SLC2A14: variants seen among roughly 807,000 people sequenced by gnomAD.
SLC2A14 encodes solute carrier family 2 member 14.
Under a neutral mutation model 43.0 loss-of-function variants are expected in SLC2A14, and 13 were observed. The ratio of observed to expected loss-of-function variants is 0.30; its 90% CI spans 0.20 to 0.48. The LOEUF (loss-of-function observed/expected upper bound fraction) is 0.48, where lower values mean the gene tolerates loss of function less well. SLC2A14 is among the 20% of genes least tolerant of loss of function. The pLI, the probability that SLC2A14 is intolerant of heterozygous loss-of-function variation, is 0.99. For synonymous variants in SLC2A14, 190 were observed against 233.8 expected (o/e 0.81, Z 1.71); for missense variants, 428 against 620.4 (o/e 0.69, Z 3.29).
At chr12:7,859,645 C>T (rs761368731) in intron 2 of SLC2A14, among the ~76,000 whole-genome samples, 3 of 152,110 alleles carry the variant, frequency 2.0e-5, no homozygotes, top group South Asian at 2.1e-4. Flanking sequence ...TGGTGAAAAC[C>T]AAGAGAATGA....
intron 1 of SLC2A14, chr12:7,871,293 A>G: frequency 8.9e-7 from 1 of 1,120,530 alleles, no homozygotes; most frequent in Non-Finnish European, 1.1e-6. Context: ...ACTGGGAGGC[A>G]CCCATTGATA....
At chr12:7,880,624 C>G (rs185705171) in intron 1 of SLC2A14, among the ~76,000 whole-genome samples, 2 of 144,030 alleles carry the variant, frequency 1.4e-5, no homozygotes, top group East Asian at 2.0e-4. Flanking sequence ...GTCAGGAGAT[C>G]GAGACCATCC....
chr12:7,866,944 G>T (rs1013193386), intron 2 of SLC2A14, among the ~76,000 whole-genome samples: 3 of 143,202 alleles, frequency 2.1e-5, no homozygotes, highest in Non-Finnish European at 3.1e-5. Flanking sequence ...GACTTTCATG[G>T]TTTTTTTTTT....
intron 2 of SLC2A14, chr12:7,863,537 G>A: frequency 2.5e-6 from 1 of 394,024 alleles, no homozygotes; most frequent in Non-Finnish European, 5.1e-6. Flanking sequence ...TGAGGCAGGA[G>A]AATGAACCCA....
At chr12:7,873,111 T>C, upstream of SLC2A14, 1 of 985,544 alleles carries the variant, frequency 1.0e-6, no homozygotes, top group Non-Finnish European at 1.2e-6. Context: ...CCCCGGCGGC[T>C]GCTGGGGATC....
intron 1 of SLC2A14, among the ~76,000 whole-genome samples, chr12:7,883,579 CTTTT>C (rs1385161692): frequency 9.2e-6 from 1 of 108,788 alleles, no homozygotes; most frequent in East Asian, 3.0e-4. Flanking sequence ...TTTTCTTTTT[CTTTT>C]TCTTTTCTTT....
chr12:7,877,926 A>G (rs1726782008), upstream of SLC2A14, among the ~76,000 whole-genome samples: 1 of 148,162 alleles, frequency 6.7e-6, no homozygotes, highest in African/African-American at 2.6e-5. Context: ...TATTTTTAGT[A>G]GAGAAGGGGC....
intron 2 of SLC2A14, among the ~76,000 whole-genome samples, chr12:7,842,337 C>T (rs746826070): frequency 1.3e-5 from 2 of 152,234 alleles, no homozygotes; most frequent in Admixed American, 1.3e-4. Flanking sequence ...TCTAAACATT[C>T]GTTTGCAGGT....
At chr12:7,816,461 A>G (rs1487497414) in intron 10 of SLC2A14, among the ~76,000 whole-genome samples, 1 of 135,164 alleles carries the variant, frequency 7.4e-6, no homozygotes, top group Non-Finnish European at 1.6e-5. Flanking sequence ...CTGGTCTCGA[A>G]CTCCTGACCT....
At chr12:7,879,552 C>A (rs1945530045) in intron 1 of SLC2A14, among the ~76,000 whole-genome samples, 1 of 151,996 alleles carries the variant, frequency 6.6e-6, no homozygotes, top group Non-Finnish European at 1.5e-5. Flanking sequence ...GGCATGCTGA[C>A]AGGTGCCTGT....
chr12:7,871,214 A>C, intron 1 of SLC2A14: 1 of 1,252,446 alleles, frequency 8.0e-7, no homozygotes, highest in South Asian at 1.7e-5. Context: ...TTCATTCATG[A>C]GGACCACCTC....
At chr12:7,839,727 G>A (rs1592214311) in intron 2 of SLC2A14, 1 of 403,818 alleles carries the variant, frequency 2.5e-6, no homozygotes, top group Non-Finnish European at 4.8e-6. Context: ...CTTTTGGGAA[G>A]TGACTGAGTC....
chr12:7,821,797 C>T (rs112542895), intron 7 of SLC2A14, among the ~76,000 whole-genome samples: 2,591 of 151,126 alleles, frequency 0.017, 72 homozygotes, highest in African/African-American at 0.057. Flanking sequence ...CTCCTGCCAC[C>T]GCGCCCAGCT....
upstream of SLC2A14, chr12:7,872,946 A>T: frequency 1.0e-6 from 1 of 985,430 alleles, no homozygotes; most frequent in South Asian, 4.7e-5. Context: ...TCGACTTTGA[A>T]TGGTCCGTTA....
At chr12:7,883,273 T>G (rs1390506471) in intron 1 of SLC2A14, among the ~76,000 whole-genome samples, 2 of 148,126 alleles carry the variant, frequency 1.4e-5, no homozygotes, top group Non-Finnish European at 3.0e-5. Flanking sequence ...CTTTTTTTTT[T>G]TTTTTTTTTT....
At chr12:7,836,019 G>A (rs1379793247) in intron 2 of SLC2A14, among the ~76,000 whole-genome samples, 3 of 152,044 alleles carry the variant, frequency 2.0e-5, no homozygotes, top group Non-Finnish European at 4.4e-5. Context: ...CCAGCTCTCA[G>A]GCCTGTCCCA....
chr12:7,878,760 C>T (rs779501465), intron 1 of SLC2A14, among the ~76,000 whole-genome samples: 7 of 151,590 alleles, frequency 4.6e-5, no homozygotes, highest in South Asian at 4.2e-4. Flanking sequence ...GGGCGGATCA[C>T]GAGGTCAGGA....
chr12:7,862,785 C>G (rs1197288725), intron 2 of SLC2A14, among the ~76,000 whole-genome samples: 1 of 152,146 alleles, frequency 6.6e-6, no homozygotes, highest in Non-Finnish European at 1.5e-5. Flanking sequence ...TTTGTGAGTG[C>G]ACCAATTGAC....
At chr12:7,879,939 G>C (rs1259221787) in intron 1 of SLC2A14, among the ~76,000 whole-genome samples, 1 of 151,810 alleles carries the variant, frequency 6.6e-6, no homozygotes, top group African/African-American at 2.4e-5. Context: ...CTGGAAGGCG[G>C]AGGTTGCAGT....
Sources: allele counts gnomAD v4.1 joint callset (sites outside exome capture counted in the v4.1 genomes callset), GRCh38; gene constraint gnomAD v4.1.1; transcripts MANE v1.5; gene names NCBI Gene and HGNC (gene_info 2026-07-23, HGNC 2026-07-21).